ERC2: variants seen among roughly 807,000 people sequenced by gnomAD.
ERC2 encodes ELKS/RAB6-interacting/CAST family member 2, also known as ERC protein 2.
Under a neutral mutation model 114.8 loss-of-function variants are expected in ERC2, and 42 were observed. The ratio of observed to expected loss-of-function variants is 0.37; its 90% CI spans 0.29 to 0.47. The LOEUF (loss-of-function observed/expected upper bound fraction) is 0.47. ERC2 is among the 20% of genes least tolerant of loss of function. The pLI is 0.99. For missense variants in ERC2, 939 were observed against 1,150.7 expected (o/e 0.82, Z 2.66); for synonymous variants, 454 against 425.5 (o/e 1.07, Z -0.82).
At chr3:55,939,749 A>G (rs1335292112) in intron 13 of ERC2, among the ~76,000 whole-genome samples, 1 of 152,212 alleles carries the variant, frequency 6.6e-6, no homozygotes, top group South Asian at 2.1e-4. Flanking sequence ...TAAAACAATA[A>G]TCTACTTCAC....
At chr3:56,022,818 C>A (rs2073810224) in intron 7 of ERC2, among the ~76,000 whole-genome samples, 3 of 152,136 alleles carry the variant, frequency 2.0e-5, no homozygotes, top group Non-Finnish European at 4.4e-5. Context: ...GGCCTGAGTA[C>A]AAGGGAGCTA....
At chr3:56,341,432 A>G (rs2058085996) in intron 2 of ERC2, among the ~76,000 whole-genome samples, 1 of 152,330 alleles carries the variant, frequency 6.6e-6, no homozygotes, top group African/African-American at 2.4e-5. Context: ...GCAGAGCAAT[A>G]GAGAATCCTC....
intron 15 of ERC2, among the ~76,000 whole-genome samples, chr3:55,702,041 T>G (rs1054951672): frequency 2.0e-5 from 3 of 152,196 alleles, no homozygotes; most frequent in African/African-American, 7.2e-5. Context: ...GCTCCTGTGA[T>G]TTTATGAGAT....
intron 14 of ERC2, among the ~76,000 whole-genome samples, chr3:55,749,934 A>C (rs1559594612): frequency 1.3e-5 from 2 of 152,206 alleles, no homozygotes; most frequent in Admixed American, 6.5e-5. Context: ...CCAACTCCGG[A>C]CACAAAGGGA....
intron 15 of ERC2, among the ~76,000 whole-genome samples, chr3:55,733,371 GGA>G (rs1215291431): frequency 6.6e-6 from 1 of 151,028 alleles, no homozygotes; most frequent in Non-Finnish European, 1.5e-5. Flanking sequence ...CCCTCTACAA[GGA>G]GAGAGTGTTC....
intron 7 of ERC2, among the ~76,000 whole-genome samples, chr3:56,050,292 G>A (rs546772948): frequency 2.0e-4 from 30 of 152,306 alleles, no homozygotes; most frequent in African/African-American, 6.7e-4. Flanking sequence ...GAAGGACAGA[G>A]CCCATGGCCA....
chr3:56,223,357 T>C (rs566552757), intron 3 of ERC2, among the ~76,000 whole-genome samples: 21 of 152,056 alleles, frequency 1.4e-4, no homozygotes, highest in Non-Finnish European at 3.1e-4. Flanking sequence ...ACCACACTGA[T>C]TGAATTATGC....
intron 17 of ERC2, among the ~76,000 whole-genome samples, chr3:55,520,216 G>A (rs1255314137): frequency 4.0e-5 from 6 of 151,878 alleles, no homozygotes; most frequent in Non-Finnish European, 5.9e-5. Flanking sequence ...ACTTTGGGAG[G>A]GCAAGGGGGA....
At chr3:55,893,169 A>G (rs1286167906) in intron 13 of ERC2, among the ~76,000 whole-genome samples, 2 of 152,164 alleles carry the variant, frequency 1.3e-5, no homozygotes, top group African/African-American at 2.4e-5. Flanking sequence ...TGTGAGAAAT[A>G]CATTTCTGTT....
chr3:56,034,792 G>C (rs2074687022), intron 7 of ERC2, among the ~76,000 whole-genome samples: 2 of 151,942 alleles, frequency 1.3e-5, no homozygotes, highest in Admixed American at 6.6e-5. Flanking sequence ...TGGAAACATA[G>C]CATACAAAAA....
chr3:56,302,011 C>CA (rs1174443764), intron 2 of ERC2, among the ~76,000 whole-genome samples: 3 of 152,110 alleles, frequency 2.0e-5, no homozygotes, highest in African/African-American at 4.8e-5. Flanking sequence ...ACAATAGCAA[C>CA]AAAAAACTAT....
At chr3:56,311,417 G>A (rs1436593624) in intron 2 of ERC2, among the ~76,000 whole-genome samples, 2 of 150,536 alleles carry the variant, frequency 1.3e-5, no homozygotes, top group African/African-American at 2.4e-5. Context: ...TCCTGCCTCA[G>A]CCTCCCAAGT....
At chr3:56,355,394 C>T (rs959823356) in intron 2 of ERC2, among the ~76,000 whole-genome samples, 1 of 151,058 alleles carries the variant, frequency 6.6e-6, no homozygotes, top group Admixed American at 6.6e-5. Context: ...TCACAGCTCA[C>T]TGCAACCTCG....
intron 2 of ERC2, among the ~76,000 whole-genome samples, chr3:56,396,694 G>A (rs1421761344): frequency 2.0e-5 from 3 of 151,796 alleles, no homozygotes; most frequent in Non-Finnish European, 4.4e-5. Context: ...GTTTTGTTTT[G>A]TTTTTGTTTT....
intron 3 of ERC2, among the ~76,000 whole-genome samples, chr3:56,279,644 C>G (rs2054221563): frequency 6.6e-6 from 1 of 152,180 alleles, no homozygotes; most frequent in Non-Finnish European, 1.5e-5. Context: ...GTAAGCCAGG[C>G]TCAAGACTTT....
At chr3:55,800,440 C>A (rs1433820809) in intron 14 of ERC2, among the ~76,000 whole-genome samples, 1 of 152,106 alleles carries the variant, frequency 6.6e-6, no homozygotes, top group African/African-American at 2.4e-5. Context: ...CCGCGCCTAG[C>A]CGGAAGTTAT....
chr3:55,560,095 G>A (rs747372420), intron 17 of ERC2, among the ~76,000 whole-genome samples: 8 of 152,134 alleles, frequency 5.3e-5, no homozygotes, highest in Non-Finnish European at 8.8e-5. Context: ...AAAACCCTCA[G>A]CAGCCCCTTG....
At chr3:56,427,926 A>G (rs1265527722) in intron 2 of ERC2, among the ~76,000 whole-genome samples, 2 of 152,176 alleles carry the variant, frequency 1.3e-5, no homozygotes, top group Non-Finnish European at 2.9e-5. Context: ...TTTCCAGGAT[A>G]AGCATATCCA....
At chr3:55,726,558 C>T (rs994501186) in intron 15 of ERC2, among the ~76,000 whole-genome samples, 1 of 152,206 alleles carries the variant, frequency 6.6e-6, no homozygotes, top group African/African-American at 2.4e-5. Flanking sequence ...CTCCTGAACA[C>T]ATTCCAGGGC....
Sources: allele counts gnomAD v4.1 joint callset (sites outside exome capture counted in the v4.1 genomes callset), GRCh38; gene constraint gnomAD v4.1.1; transcripts MANE v1.5; gene names NCBI Gene and HGNC (gene_info 2026-07-23, HGNC 2026-07-21).